STK32B: variants seen among roughly 807,000 people sequenced by gnomAD.
STK32B encodes serine/threonine-protein kinase 32B.
Under a neutral mutation model 52.6 loss-of-function variants are expected in STK32B, and 43 were observed. The observed-to-expected ratio is 0.82, with a 90% CI of 0.64 to 1.05. STK32B has a LOEUF of 1.05. STK32B is among the 50% of genes least tolerant of loss of function. STK32B has a pLI of 0.00. For synonymous variants in STK32B, 238 were observed against 204.3 expected (o/e 1.17, Z -1.41); for missense variants, 621 against 534.6 (o/e 1.16, Z -1.59).
chr4:5,171,064 T>C (rs1238006817), intron 3 of STK32B, among the ~76,000 whole-genome samples: 1 of 152,238 alleles, frequency 6.6e-6, no homozygotes. Context: ...CCAGTGATGA[T>C]GAGCATTTTT....
At chr4:5,077,664 C>T (rs1322698668) in intron 1 of STK32B, among the ~76,000 whole-genome samples, 10 of 152,086 alleles carry the variant, frequency 6.6e-5, no homozygotes, top group Non-Finnish European at 1.5e-4. Context: ...TAGCCTAAGA[C>T]ACCTGGCAGC....
At chr4:5,108,854 G>A (rs1209046400) in intron 1 of STK32B, among the ~76,000 whole-genome samples, 1 of 152,164 alleles carries the variant, frequency 6.6e-6, no homozygotes, top group Non-Finnish European at 1.5e-5. Context: ...AGCAAAAACA[G>A]GAGAGTGGCT....
At chr4:5,096,268 G>A (rs762310931) in intron 1 of STK32B, among the ~76,000 whole-genome samples, 1 of 152,156 alleles carries the variant, frequency 6.6e-6, no homozygotes, top group African/African-American at 2.4e-5. Context: ...AGTGTAAAGG[G>A]AGTAGTATCT....
At chr4:5,127,938 T>G (rs1348645499) in intron 1 of STK32B, among the ~76,000 whole-genome samples, 1 of 152,224 alleles carries the variant, frequency 6.6e-6, no homozygotes, top group Non-Finnish European at 1.5e-5. Flanking sequence ...CGAGCTCTCT[T>G]GCCTGTTACC....
chr4:5,077,826 C>G lies in STK32B; in HGVS notation c.52+25911C>G, dbSNP rs369302144. 9.4e-4 allele frequency among the ~76,000 whole-genome samples: 143 copies of G among 152,254 alleles called. 1 individual carries two copies. In the South Asian group the frequency reaches 0.029, roughly 31 times the overall value. On this transcript the variant is annotated intron_variant, in intron 1 of 11. Coordinates refer to ENST00000282908, the MANE Select transcript of STK32B (RefSeq NM_018401.3). The stretch of plus-strand genomic sequence containing the variant: ...TTTCAAGCCTATTTTAGGGCAGACT[C>G]TATGGCAGGAGCTTCATCCTGTAGG...
chr4:5,245,638 T>G (rs1725390255), intron 3 of STK32B, among the ~76,000 whole-genome samples: 1 of 152,164 alleles, frequency 6.6e-6, no homozygotes, highest in Non-Finnish European at 1.5e-5. Flanking sequence ...GTTATTTTGC[T>G]CGTTAGTTGA....
In STK32B at chr4:5,453,682, T is replaced by C. The variant is rs2109136011; in HGVS notation, c.667-3125T>C. The stretch of plus-strand genomic sequence containing the variant: ...ACTCTGGGAGGCTGAGACGGGCAGA[T>C]CACCTGAGGTGAGGAGTTCGAGACC... On this transcript the variant is annotated intron_variant, in intron 7 of 11. Transcript: ENST00000282908. This position sits in a 1 kb window ranked among gnomAD's most constrained non-coding sequence, Gnocchi z 4.0. Among the ~76,000 whole-genome samples the C allele has an allele frequency of 6.6e-6, 1 of 152,238 alleles. No individual in the cohort carries two copies. The highest frequency in any genetic ancestry group is 6.5e-5 in the Admixed American group (1 of 15,300).
At chr4:5,443,833 G>A (rs1035861896) in intron 6 of STK32B, among the ~76,000 whole-genome samples, 23 of 152,128 alleles carry the variant, frequency 1.5e-4, no homozygotes, top group African/African-American at 5.3e-4. Flanking sequence ...AGGACCCTCA[G>A]CTGCAGGTCT....
At chr4:5,281,515 G>A (rs1007244956) in intron 3 of STK32B, among the ~76,000 whole-genome samples, 1 of 152,050 alleles carries the variant, frequency 6.6e-6, no homozygotes, top group Non-Finnish European at 1.5e-5. Flanking sequence ...CTAGATTACA[G>A]GTTGATGGAT....
At chr4:5,050,074 A>G (rs1741704540), upstream of STK32B, among the ~76,000 whole-genome samples, 1 of 152,206 alleles carries the variant, frequency 6.6e-6, no homozygotes, top group South Asian at 2.1e-4. Flanking sequence ...ATGCCTGTCC[A>G]CATTCCGCCC....
At chr4:5,481,339 A>C (rs944107201) in intron 11 of STK32B, among the ~76,000 whole-genome samples, 68 of 152,284 alleles carry the variant, frequency 4.5e-4, no homozygotes, top group African/African-American at 1.6e-3. Flanking sequence ...GCCAGAGCTG[A>C]TGAGCATTTT....
rs1018008998 is a variant in STK32B, at chr4:5,460,952, A to C, written c.909+724A>C. Among the ~76,000 whole-genome samples the C allele has an allele frequency of 1.3e-5, 2 of 152,182 alleles. No individual in the cohort carries two copies. The highest frequency in any genetic ancestry group is 2.9e-5 in the Non-Finnish European group (2 of 68,024). On this transcript the variant is annotated intron_variant, in intron 9 of 11. Transcript: ENST00000282908. The surrounding 1 kb of genome is among the most constrained non-coding windows in gnomAD (Gnocchi z 4.8). ...GTGTTTAAGGCAGGGAAGTGAAAGC[A>C]TTGGATTTACATTTTAAAGGAGGGT...
At chr4:5,052,866 A>G (rs928231858) in intron 1 of STK32B, among the ~76,000 whole-genome samples, 7 of 152,184 alleles carry the variant, frequency 4.6e-5, no homozygotes, top group African/African-American at 7.2e-5. Context: ...AGCACTTACT[A>G]TGTTCCAGCC....
chr4:5,070,095 C>A (rs368405833), intron 1 of STK32B, among the ~76,000 whole-genome samples: 2 of 152,292 alleles, frequency 1.3e-5, no homozygotes, highest in Non-Finnish European at 2.9e-5. Context: ...TTCCTCCCAG[C>A]GAACATTCCA....
intron 3 of STK32B, among the ~76,000 whole-genome samples, chr4:5,321,985 C>T (rs1227605863): frequency 1.5e-5 from 2 of 135,862 alleles, no homozygotes; most frequent in African/African-American, 5.7e-5. Context: ...GGCTTCAAGA[C>T]TCTTGTGCCT....
chr4:5,118,491 C>T (rs755457168), intron 1 of STK32B, among the ~76,000 whole-genome samples: 1 of 152,218 alleles, frequency 6.6e-6, no homozygotes, highest in Admixed American at 6.5e-5. Context: ...CTGTGCTGAA[C>T]GTGAATGAGC....
At chr4:5,246,956 G>A (rs1051121095) in intron 3 of STK32B, among the ~76,000 whole-genome samples, 4 of 152,128 alleles carry the variant, frequency 2.6e-5, no homozygotes, top group Non-Finnish European at 1.5e-5. Context: ...AGAAGTACCC[G>A]GCTGTATAAG....
intron 1 of STK32B, among the ~76,000 whole-genome samples, chr4:5,057,152 G>A (rs1742038328): frequency 6.6e-6 from 1 of 152,192 alleles, no homozygotes; most frequent in Non-Finnish European, 1.5e-5. Flanking sequence ...ATCACTTATT[G>A]GGGGCCAATT....
Position 5,395,876 on chromosome 4 carries a change from G to C in STK32B, c.435-2331G>C, listed in dbSNP as rs1219033283. Among the ~76,000 whole-genome samples the C allele has an allele frequency of 6.6e-6, 1 of 152,208 alleles. No individual in the cohort carries two copies. Among genetic ancestry groups the C allele is most frequent in the Non-Finnish European group, 1.5e-5 (1 of 68,030 alleles). ...AACAGCCCCTTTCCTTGGCTCTGTG[G>C]GGTCTAGGGACCAAGGTGGCCACAT... On this transcript the variant is annotated intron_variant, in intron 4 of 11. Coordinates refer to ENST00000282908, the MANE Select transcript of STK32B (RefSeq NM_018401.3). The surrounding 1 kb of genome is among the most constrained non-coding windows in gnomAD (Gnocchi z 4.4).
Sources: allele counts gnomAD v4.1 joint callset (sites outside exome capture counted in the v4.1 genomes callset), GRCh38; gene constraint gnomAD v4.1.1; non-coding constraint Gnocchi (gnomAD v3.1); transcripts MANE v1.5; gene names NCBI Gene and HGNC (gene_info 2026-07-23, HGNC 2026-07-21).